The following LRRC20 variants were observed in gnomAD, a reference collection of about 807,000 sequenced individuals.
LRRC20 encodes the protein leucine rich repeat containing 20.
LRRC20 carries 11 observed loss-of-function variants against 14.4 expected under a neutral mutation model. The ratio of observed to expected loss-of-function variants is 0.77; its 90% confidence interval spans 0.48 to 1.27. LRRC20 has a LOEUF of 1.27. Among genes scored for constraint, LRRC20 ranks in the 50% most tolerant of loss-of-function variants. The pLI is 0.00. For synonymous variants in LRRC20, 121 were observed against 107.3 expected (o/e 1.13, Z -0.79); for missense variants, 219 against 251.2 (o/e 0.87, Z 0.87).
intron 2 of LRRC20, among the ~76,000 whole-genome samples, chr10:70,369,252 C>T (rs1190752661): frequency 6.6e-6 from 1 of 152,132 alleles, no homozygotes; most frequent in African/African-American, 2.4e-5. Context: ...TCATTGGCCT[C>T]GCTTAGTTCT....
chr10:70,382,159 CG>C (rs761979624), intron 1 of LRRC20, among the ~76,000 whole-genome samples: 1 of 152,214 alleles, frequency 6.6e-6, no homozygotes, highest in Admixed American at 6.5e-5. Context: ...AAGCAAACCC[CG>C]AAAGTGTCGC....
intron 4 of LRRC20, among the ~76,000 whole-genome samples, chr10:70,303,745 T>C (rs1841300323): frequency 6.6e-6 from 1 of 152,234 alleles, no homozygotes. Flanking sequence ...AAGACAGCCC[T>C]AAGCTGATGC....
chr10:70,358,467 CA>C (rs199821481), intron 2 of LRRC20, among the ~76,000 whole-genome samples: 1,548 of 152,308 alleles, frequency 0.01, 22 homozygotes, highest in South Asian at 0.056. Flanking sequence ...GCAAGGAATC[CA>C]CCCCTGTAAG....
chr10:70,363,109 A>C (rs1843813495), intron 2 of LRRC20, among the ~76,000 whole-genome samples: 1 of 22,558 alleles, frequency 4.4e-5, no homozygotes, highest in Non-Finnish European at 1.4e-4. Context: ...ATCTCTATTA[A>C]AAAAAAAAAA....
intron 2 of LRRC20, among the ~76,000 whole-genome samples, chr10:70,354,253 C>T (rs928038360): frequency 3.7e-4 from 56 of 152,040 alleles, no homozygotes; most frequent in African/African-American, 1.3e-3. Context: ...GTGACTCTAA[C>T]GTGCAGCCAG....
Position 70,364,201 on chromosome 10 carries a change from C to T in LRRC20, c.82+12251G>A, listed in dbSNP as rs568207258. 2.6e-5 allele frequency among the ~76,000 whole-genome samples: 4 copies of T among 152,334 alleles called. No homozygotes were observed. The South Asian group carries it at 8.3e-4, about 32-fold the overall frequency. ...CACTCCCCTCACCCCTACCAGATGC[C>T]GGCCTCAGCTCTGGGCCAGGAACTA... On this transcript the variant is annotated intron_variant, in intron 2 of 4. Coordinates refer to ENST00000446961, the MANE Select transcript of LRRC20 (RefSeq NM_001278212.2).
intron 2 of LRRC20, among the ~76,000 whole-genome samples, chr10:70,350,762 A>T (rs1589103489): frequency 6.6e-6 from 1 of 152,300 alleles, no homozygotes. Context: ...CCAAGAAGTA[A>T]GGCTCCCAAG....
At chr10:70,328,660 G>A (rs1842417808) in intron 3 of LRRC20, among the ~76,000 whole-genome samples, 1 of 152,230 alleles carries the variant, frequency 6.6e-6, no homozygotes, top group South Asian at 2.1e-4. Flanking sequence ...GCTCATGCCT[G>A]TAATCCCAGC....
chr10:70,337,299 GC>G (rs1051409318), intron 3 of LRRC20, among the ~76,000 whole-genome samples: 2 of 152,310 alleles, frequency 1.3e-5, no homozygotes, highest in African/African-American at 4.8e-5. Context: ...CACAACAAAG[GC>G]TCAGGCCCAG....
Position 70,300,751 on chromosome 10 carries a change from G to T in LRRC20, c.*603C>A. ...ATGTTCTTGCCCTGCAGCAGTGCCA[G>T]CCCATATTCCCACCACAGCTCTCCC... On this transcript the variant is annotated 3_prime_UTR_variant, in exon 5 of 5. Transcript: ENST00000446961. The T allele has an allele frequency of 1.0e-6, 1 of 985,764 alleles. No homozygotes were observed. Among genetic ancestry groups the T allele is most frequent in the Non-Finnish European group, 1.2e-6 (1 of 830,202 alleles). The allele number at this position is 985,764 out of a possible 1,614,324, so 61.1% of individuals were successfully genotyped here. A position where few individuals can be genotyped will look rare whatever the true frequency, so the allele number is the denominator to read the frequency against.
Position 70,300,618 on chromosome 10 carries a change from G to GA in LRRC20, c.*735dup. ...GCTCAGGAGTGATGCTAGAGGGACGGAGCACTCAGGACTTCCCACCCCGCC... is the reference window on the plus strand; with the variant it reads ...GCTCAGGAGTGATGCTAGAGGGACGGAAGCACTCAGGACTTCCCACCCCGCC... On this transcript the variant is annotated 3_prime_UTR_variant, in exon 5 of 5. Transcript: ENST00000446961. 4.1e-6 allele frequency: 4 copies of GA among 985,574 alleles called. No individual in the cohort carries two copies. The highest frequency in any genetic ancestry group is 4.8e-6 in the Non-Finnish European group (4 of 830,036). The allele number at this position is 985,574 out of a possible 1,614,324, so 61.1% of individuals were successfully genotyped here. A position where few individuals can be genotyped will look rare whatever the true frequency, so the allele number is the denominator to read the frequency against.
chr10:70,301,600 G>T, intron 4 of LRRC20, 92 bp from the exon 5 acceptor site: 1 of 1,463,996 alleles, frequency 6.8e-7, no homozygotes. Flanking sequence ...AGCACCTGAT[G>T]GTGAGGGGCA....
intron 2 of LRRC20, among the ~76,000 whole-genome samples, chr10:70,360,291 A>C: frequency 6.6e-6 from 1 of 151,938 alleles, no homozygotes; most frequent in East Asian, 1.9e-4. Context: ...ACCTGGCCTC[A>C]AGTGATCCCA....
At chr10:70,373,034 C>A (rs980893195) in intron 2 of LRRC20, among the ~76,000 whole-genome samples, 1 of 152,022 alleles carries the variant, frequency 6.6e-6, no homozygotes, top group Non-Finnish European at 1.5e-5. Context: ...TCACTTGAAC[C>A]CAGGAGAGGG....
At chr10:70,326,890 A>G (rs1028033637) in intron 3 of LRRC20, among the ~76,000 whole-genome samples, 4 of 152,118 alleles carry the variant, frequency 2.6e-5, no homozygotes, top group African/African-American at 9.6e-5. Flanking sequence ...CGATCTCCTG[A>G]CCTCATGATC....
In LRRC20 at chr10:70,341,855, C is replaced by T. The variant is rs1210734780; in HGVS notation, c.83-1153G>A. 3.9e-5 allele frequency among the ~76,000 whole-genome samples: 6 copies of T among 152,224 alleles called. No individual in the cohort carries two copies. The East Asian group carries it at 9.7e-4, about 24-fold the overall frequency. On this transcript the variant is annotated intron_variant, in intron 2 of 4. Transcript: ENST00000446961. The stretch of plus-strand genomic sequence containing the variant: ...TGGCTGAACCCTGAAAATGTGATGC[C>T]AGGCAAAAGCCAGTTACAAAGGCCT...
chr10:70,309,972 C>T (rs776003415), intron 4 of LRRC20, among the ~76,000 whole-genome samples: 1 of 152,254 alleles, frequency 6.6e-6, no homozygotes, highest in Non-Finnish European at 1.5e-5. Flanking sequence ...CTGGCCTCTC[C>T]AGGGTCTGTG....
intron 4 of LRRC20, among the ~76,000 whole-genome samples, chr10:70,315,564 T>C (rs975338683): frequency 7.9e-5 from 12 of 152,162 alleles, no homozygotes; most frequent in Non-Finnish European, 1.3e-4. Flanking sequence ...GTTATTCCTA[T>C]AGACAGGATT....
At chr10:70,309,621 G>A (rs1009121573) in intron 4 of LRRC20, among the ~76,000 whole-genome samples, 5 of 152,234 alleles carry the variant, frequency 3.3e-5, no homozygotes, top group African/African-American at 1.2e-4. Context: ...AGAAATGGTG[G>A]CTCAGAGCTG....
Sources: gnomAD v4.1 joint callset for allele counts (sites outside exome capture counted in the v4.1 genomes callset) on GRCh38, gnomAD v4.1.1 for gene constraint, MANE v1.5 for transcripts, NCBI Gene and HGNC (gene_info 2026-07-23, HGNC 2026-07-21) for gene names.